Variants in KLK6 observed in about 807,000 individuals in gnomAD.
The protein encoded by KLK6 is kallikrein-6.
In KLK6, 16 loss-of-function variants were observed where a neutral mutation model predicts 21.7. The observed-to-expected ratio is 0.74, with a 90% confidence interval of 0.50 to 1.12. KLK6 has a LOEUF of 1.12. Ranked by LOEUF, KLK6 falls within the 50% of genes most tolerant of loss-of-function variation. KLK6 has a pLI of 0.00. For synonymous variants in KLK6, 116 were observed against 120.1 expected (o/e 0.97, Z 0.22); for missense variants, 276 against 304.6 (o/e 0.91, Z 0.70).
intron 4 of KLK6, among the ~76,000 whole-genome samples, chr19:50,964,670 G>A (rs185429215): frequency 1.1e-4 from 16 of 152,296 alleles, no homozygotes; most frequent in Admixed American, 2.6e-4. Flanking sequence ...TCTCCAGTGC[G>A]TTGATCAGCA....
chr19:50,967,357 GT>G (rs772812427), intron 3 of KLK6, 32 bp from the exon 4 acceptor site: 17 of 1,564,154 alleles, frequency 1.1e-5, no homozygotes, highest in African/African-American at 2.7e-5. Context: ...TCAGAGAGGA[GT>G]TCTGGAGAAA....
At chr19:50,961,723 G>C (rs920598060) in intron 6 of KLK6, 21 bp downstream of exon 6, 1 of 1,610,192 alleles carries the variant, frequency 6.2e-7, no homozygotes, top group African/African-American at 1.3e-5. Flanking sequence ...CTGTGTAAGT[G>C]GCAGATCCGG....
intron 4 of KLK6, among the ~76,000 whole-genome samples, chr19:50,964,853 A>G (rs2090900492): frequency 6.6e-6 from 1 of 152,138 alleles, no homozygotes; most frequent in Non-Finnish European, 1.5e-5. Context: ...ATCTCCCAGC[A>G]CCTTCTGCCC....
intron 6 of KLK6, among the ~76,000 whole-genome samples, chr19:50,959,892 A>AGAG (rs146102831): frequency 4.0e-5 from 1 of 25,254 alleles, no homozygotes; most frequent in Non-Finnish European, 7.1e-5. Context: ...AGGAGGAGGA[A>AGAG]GAGGAGGAGG....
intron 4 of KLK6, among the ~76,000 whole-genome samples, chr19:50,966,541 C>T (rs536149729): frequency 6.6e-6 from 1 of 152,354 alleles, no homozygotes; most frequent in South Asian, 2.1e-4. Context: ...TGGCTCATGC[C>T]TGTAATCCCA....
At chr19:50,959,406 T>A (rs1600084993) in intron 6 of KLK6, 90 bp from the exon 7 acceptor site, 1 of 1,015,392 alleles carries the variant, frequency 9.8e-7, no homozygotes, top group South Asian at 1.7e-5. Context: ...TGTGTGTGTG[T>A]GTGACAGAGA....
In KLK6 at chr19:50,961,733, G is replaced by A. The variant is rs779104387; in HGVS notation, c.582+11C>T. 5 of 1,611,718 alleles carry A rather than the reference G, an allele frequency of 3.1e-6. No individual in the cohort carries two copies. Among genetic ancestry groups the A allele is most frequent in the African/African-American group, 1.3e-5 (1 of 74,860 alleles). The stretch of plus-strand genomic sequence containing the variant: ...CCTGGCTGTGTAAGTGGCAGATCCG[G>A]GTCACCTCACCTGGCAGGAATCCTT... On this transcript the variant is annotated intron_variant, in intron 6 of 6. Coordinates refer to ENST00000310157, the MANE Select transcript of KLK6 (RefSeq NM_002774.4).
intron 4 of KLK6, among the ~76,000 whole-genome samples, chr19:50,965,040 G>A (rs761517672): frequency 5.3e-5 from 8 of 152,060 alleles, no homozygotes; most frequent in Admixed American, 1.3e-4. Flanking sequence ...GTAGGTACCC[G>A]TATTCTTTTC....
At position 50,959,877 on chromosome 19, in the gene KLK6, AGAG is replaced by A. The variant is rs1409883506; in HGVS notation, c.583-564_583-562del. On this transcript the variant is annotated intron_variant, in intron 6 of 6. Transcript: ENST00000310157. ...AGGAGGAGGAAGAGGAGGAGGAGGA[AGAG>A]GAGGAGGAGGAAGAGGAGGAGGAGA... is the stretch of plus-strand genomic sequence containing the variant. Among the ~76,000 whole-genome samples, 123 of 23,482 alleles carry A rather than the reference AGAG, an allele frequency of 5.2e-3. 1 individual carries two copies. The highest frequency in any genetic ancestry group is 0.02 in the African/African-American group (86 of 4,366). The allele number at this position is 23,482 out of a possible 152,430, so 15.4% of individuals were successfully genotyped here.
intron 2 of KLK6, chr19:50,968,316 A>T: frequency 1.6e-6 from 1 of 624,784 alleles, no homozygotes; most frequent in South Asian, 1.9e-5. Context: ...AGTGCCAAAG[A>T]GAATTCAGAA....
Position 50,959,061 on chromosome 19 carries a change from T to A in KLK6, c.*103A>T. 7.9e-7 allele frequency: 1 copy of A among 1,267,284 alleles called. No individual in the cohort carries two copies. Among genetic ancestry groups the A allele is most frequent in the Non-Finnish European group, 1.1e-6 (1 of 880,760 alleles). 78.5% of individuals were successfully genotyped at this position (1,267,284 alleles called of 1,614,324 possible). ...TCGCTGCGTTTATTAAGCATCAGGG[T>A]CAGAGCTGGGCAGGAGAGGAGGGGA... is the stretch of plus-strand genomic sequence containing the variant. On this transcript the variant is annotated 3_prime_UTR_variant, in exon 7 of 7. Transcript: ENST00000310157.
rs1421559761 is a variant in KLK6 at position 50,965,076 on chromosome 19, T to C, written c.198-1527A>G. ...CTTCATAATTTGTAATTATATGGGG[T>C]TTTGAAGGGTTTGCTTCTTTTGTTT... On this transcript the variant is annotated intron_variant, in intron 4 of 6. Coordinates refer to ENST00000310157, the MANE Select transcript of KLK6 (RefSeq NM_002774.4). 2.6e-5 allele frequency among the ~76,000 whole-genome samples: 4 copies of C among 152,140 alleles called. No individual in the cohort carries two copies. In the East Asian group the frequency reaches 7.7e-4, roughly 29 times the overall value.
chr19:50,961,373 T>C (rs913720465), intron 6 of KLK6, among the ~76,000 whole-genome samples: 15 of 150,884 alleles, frequency 9.9e-5, no homozygotes, highest in Admixed American at 9.3e-4. Context: ...GGTTTCACCA[T>C]GTTGATCAGG....
At chr19:50,969,129 G>A (rs929114978) in intron 1 of KLK6, among the ~76,000 whole-genome samples, 1 of 151,244 alleles carries the variant, frequency 6.6e-6, no homozygotes, top group Non-Finnish European at 1.5e-5. Context: ...GAGGGAGGAG[G>A]GGCTGGGGGC....
At chr19:50,961,391 C>T (rs1402619370) in intron 6 of KLK6, among the ~76,000 whole-genome samples, 2 of 151,806 alleles carry the variant, frequency 1.3e-5, no homozygotes, top group African/African-American at 4.8e-5. Flanking sequence ...AGGCTGGTCT[C>T]GAACTCCTGA....
chr19:50,967,049 T>A, intron 4 of KLK6, 120 bp downstream of exon 4: 1 of 1,058,198 alleles, frequency 9.5e-7, no homozygotes, highest in Non-Finnish European at 1.4e-6. Context: ...CGAATGCACC[T>A]GGCTATCAGA....
intron 3 of KLK6, 49 bp from the exon 4 acceptor site, chr19:50,967,374 C>A (rs369361330): frequency 3.9e-6 from 6 of 1,529,166 alleles, no homozygotes; most frequent in Non-Finnish European, 5.3e-6. Context: ...AGAAACCAAG[C>A]GCATCCCCCT....
chr19:50,968,692 G>T (rs1037523413), intron 1 of KLK6, 101 bp from the exon 2 acceptor site: 1 of 160,652 alleles, frequency 6.2e-6, no homozygotes. Flanking sequence ...CGCAGGGGCC[G>T]CAGAGCCCAG....
rs758203387 is a variant in KLK6, at chr19:50,961,756, C to A, written c.570G>T (p.Lys190Asn). 1.9e-6 allele frequency: 3 copies of A among 1,613,698 alleles called. No homozygotes were observed. The South Asian group carries it at 3.3e-5, about 18-fold the overall frequency. The change falls in exon 6 of 7, where the codon AAG becomes AAT. Residue 190 changes from lysine to asparagine, a missense_variant. Physicochemically the swap from Lys to Asn is moderately conservative, Grantham distance 94. Coordinates refer to ENST00000310157, the MANE Select transcript of KLK6 (RefSeq NM_002774.4). ...CGGGTCACCTCACCTGGCAGGAATC[C>A]TTCCCGTACTTCTCATCCCCAGCAC... ...MLCAGDEKYG[K>N]DSCQGDSGGP...
Sources: gnomAD v4.1 joint callset for allele counts (sites outside exome capture counted in the v4.1 genomes callset) on GRCh38, gnomAD v4.1.1 for gene constraint, MANE v1.5 for transcripts, NCBI Gene and HGNC (gene_info 2026-07-23, HGNC 2026-07-21) for gene names.